Variants in NBEA observed in about 807,000 individuals in gnomAD.
The protein encoded by NBEA is neurobeachin.
Under a neutral mutation model 343.4 loss-of-function variants are expected in NBEA, and 44 were observed. The ratio of observed to expected loss-of-function variants is 0.13; its 90% CI spans 0.10 to 0.16. The LOEUF is 0.16. Ranked by LOEUF, NBEA falls within the 10% of genes least tolerant of loss-of-function variation. The probability of loss-of-function intolerance (pLI) is 1.00; values close to 1 mark genes in which losing one functional copy is unlikely to be tolerated. For missense variants in NBEA, 2,555 were observed against 3,631.3 expected (o/e 0.70, Z 7.62); for synonymous variants, 1,175 against 1,238.7 (o/e 0.95, Z 1.08).
At chr13:35,418,186 GTT>G (rs1594561376) in intron 38 of NBEA, among the ~76,000 whole-genome samples, 1 of 151,956 alleles carries the variant, frequency 6.6e-6, no homozygotes, top group East Asian at 1.9e-4. Flanking sequence ...GGTCTTGACT[GTT>G]TATCCAGTTT....
intron 36 of NBEA, among the ~76,000 whole-genome samples, chr13:35,333,658 G>T (rs994359591): frequency 6.6e-6 from 1 of 151,250 alleles, no homozygotes; most frequent in South Asian, 2.1e-4. Context: ...TAATTTTTTT[G>T]TACCATTAAC....
At chr13:35,134,006 G>T (rs1042805674) in intron 17 of NBEA, among the ~76,000 whole-genome samples, 1 of 151,738 alleles carries the variant, frequency 6.6e-6, no homozygotes, top group Non-Finnish European at 1.5e-5. Context: ...AAATCAGATG[G>T]GATTTGAAAG....
At chr13:34,992,055 CT>C (rs1424207891) in intron 1 of NBEA, among the ~76,000 whole-genome samples, 1 of 148,984 alleles carries the variant, frequency 6.7e-6, no homozygotes, top group African/African-American at 2.5e-5. Flanking sequence ...TATTCTCTGC[CT>C]TTTTTTTAAG....
chr13:35,564,436 G>T lies in NBEA; in HGVS notation c.6923-2469G>T, dbSNP rs147014674. Among the ~76,000 whole-genome samples the T allele has an allele frequency of 2.5e-3, 385 of 151,866 alleles. 2 individuals carry two copies. The highest frequency in any genetic ancestry group is 9.1e-3 in the African/African-American group (375 of 41,408). ...CTAAACTCTGCCATGGACCCATTTAGGATCCCAGAAATAGCTCTGTCTAGC... is the reference window on the plus strand; with the variant it reads ...CTAAACTCTGCCATGGACCCATTTATGATCCCAGAAATAGCTCTGTCTAGC... On this transcript the variant is annotated intron_variant, in intron 44 of 58. Coordinates refer to ENST00000379939, the MANE Select transcript of NBEA (RefSeq NM_001385012.1).
At chr13:35,646,236 C>T (rs1214591593) in intron 50 of NBEA, 23 bp from the exon 51 acceptor site, 3 of 1,556,338 alleles carry the variant, frequency 1.9e-6, no homozygotes, top group Non-Finnish European at 2.7e-6. Flanking sequence ...TTGATTATGA[C>T]AATCACCCTC....
At chr13:35,637,929 A>G (rs2083769579) in intron 49 of NBEA, among the ~76,000 whole-genome samples, 1 of 152,156 alleles carries the variant, frequency 6.6e-6, no homozygotes, top group South Asian at 2.1e-4. Flanking sequence ...TTATTAGTCA[A>G]CCTTAAAAAG....
intron 38 of NBEA, among the ~76,000 whole-genome samples, chr13:35,387,882 TC>T (rs764902700): frequency 2.0e-5 from 3 of 152,110 alleles, no homozygotes; most frequent in African/African-American, 4.8e-5. Flanking sequence ...GAACCTCCTA[TC>T]CCCTTCGCCT....
intron 18 of NBEA, among the ~76,000 whole-genome samples, chr13:35,149,692 A>G (rs2068651629): frequency 1.3e-5 from 2 of 152,132 alleles, no homozygotes; most frequent in South Asian, 4.1e-4. Context: ...GTTTTTAATC[A>G]TTGTTTTACC....
intron 36 of NBEA, among the ~76,000 whole-genome samples, chr13:35,314,246 C>T (rs1402177278): frequency 5.3e-5 from 8 of 151,876 alleles, no homozygotes; most frequent in Admixed American, 1.3e-4. Flanking sequence ...CTGAAAATAG[C>T]GATTGTAAAA....
At chr13:35,568,716 T>C (rs2080251546) in intron 45 of NBEA, among the ~76,000 whole-genome samples, 1 of 152,192 alleles carries the variant, frequency 6.6e-6, no homozygotes, top group Non-Finnish European at 1.5e-5. Flanking sequence ...ATATACATTA[T>C]ATACTTACCA....
chr13:35,440,290 G>A lies in NBEA; in HGVS notation c.6304+7897G>A, dbSNP rs1594645813. Among the ~76,000 whole-genome samples the A allele has an allele frequency of 2.6e-5, 4 of 152,264 alleles. No homozygotes were observed. The East Asian group carries it at 5.8e-4, about 22-fold the overall frequency. ...TCTATAAACTAGGTCTAGAAGGATG[G>A]TATTTCCAAATCATTTCTGACTGTC... On this transcript the variant is annotated intron_variant, in intron 39 of 58. Transcript: ENST00000379939.
chr13:35,347,364 A>G (rs372421766), intron 36 of NBEA, among the ~76,000 whole-genome samples: 16 of 152,060 alleles, frequency 1.1e-4, no homozygotes, highest in African/African-American at 3.9e-4. Context: ...TAATGCTGTT[A>G]TTGAAGTAGT....
chr13:35,425,371 A>G (rs1405273634), intron 38 of NBEA, among the ~76,000 whole-genome samples: 2 of 152,182 alleles, frequency 1.3e-5, no homozygotes, highest in African/African-American at 4.8e-5. Context: ...GGTTTCAAAG[A>G]ACATCTTTAT....
intron 50 of NBEA, 104 bp from the exon 51 acceptor site, chr13:35,646,155 T>C (rs3818424): frequency 0.31 from 291,568 of 932,882 alleles, 50,284 homozygotes; most frequent in East Asian, 0.69. Context: ...TTTTCTGGAC[T>C]TTTTTTCATG....
chr13:35,666,180 G>A (rs2085344821), intron 56 of NBEA, among the ~76,000 whole-genome samples: 1 of 151,936 alleles, frequency 6.6e-6, no homozygotes, highest in Non-Finnish European at 1.5e-5. Flanking sequence ...AATGAGTATA[G>A]TAGGAAACTA....
chr13:35,050,816 T>C (rs745920496), intron 6 of NBEA, among the ~76,000 whole-genome samples: 1 of 151,968 alleles, frequency 6.6e-6, no homozygotes, highest in Non-Finnish European at 1.5e-5. Context: ...GTTCTGAATA[T>C]TGTTTCCTGA....
chr13:35,010,094 A>G (rs2061433122), intron 1 of NBEA, among the ~76,000 whole-genome samples: 1 of 152,194 alleles, frequency 6.6e-6, no homozygotes, highest in Non-Finnish European at 1.5e-5. Context: ...GATGACAAGA[A>G]GTAAGTTAAA....
At chr13:35,628,343 C>A in intron 49 of NBEA, 95 bp downstream of exon 49, 1 of 979,936 alleles carries the variant, frequency 1.0e-6, no homozygotes, top group Non-Finnish European at 1.4e-6. Context: ...TTGTTTTCAA[C>A]ATAACTTCTT....
At chr13:35,450,444 GC>G (rs2046254284) in intron 39 of NBEA, among the ~76,000 whole-genome samples, 1 of 152,150 alleles carries the variant, frequency 6.6e-6, no homozygotes, top group African/African-American at 2.4e-5. Context: ...CTGTGATCAT[GC>G]CACTGTACTC....
Sources: gnomAD v4.1 joint callset for allele counts (sites outside exome capture counted in the v4.1 genomes callset) on GRCh38, gnomAD v4.1.1 for gene constraint, MANE v1.5 for transcripts, NCBI Gene and HGNC (gene_info 2026-07-23, HGNC 2026-07-21) for gene names.